Variants in PLXNC1 observed in about 807,000 individuals in gnomAD.
The protein encoded by PLXNC1 is plexin C1, also known as plexin-C1.
Under a neutral mutation model 178.2 loss-of-function variants are expected in PLXNC1, and 75 were observed. That is an observed-to-expected ratio of 0.42 (90% CI 0.35 to 0.51). PLXNC1 has a LOEUF of 0.51. PLXNC1 is among the 20% of genes least tolerant of loss of function. PLXNC1 has a pLI of 0.02. For missense variants in PLXNC1, 1,503 were observed against 1,984.4 expected (o/e 0.76, Z 4.61); for synonymous variants, 790 against 779.9 (o/e 1.01, Z -0.22).
chr12:94,226,303 T>G (rs1963937205), intron 7 of PLXNC1, among the ~76,000 whole-genome samples: 1 of 152,014 alleles, frequency 6.6e-6, no homozygotes. Flanking sequence ...GGGACTTACC[T>G]GAGGGTAGAC....
chr12:94,155,064 G>A (rs1961114283), intron 1 of PLXNC1, among the ~76,000 whole-genome samples: 1 of 152,096 alleles, frequency 6.6e-6, no homozygotes, highest in Admixed American at 6.5e-5. Context: ...TCCTTCCTTA[G>A]TTTTAGGTTA....
rs372867067 is a variant in PLXNC1, at chr12:94,259,714, G to T, written c.3231G>T (p.Lys1077Asn). 2.5e-6 allele frequency: 4 copies of T among 1,609,658 alleles called. No individual in the cohort carries two copies. Among genetic ancestry groups the T allele is most frequent in the South Asian group, 1.1e-5 (1 of 90,230 alleles). The change falls in exon 19 of 31, where the codon AAG becomes AAT. Residue 1077 changes from lysine to asparagine, a missense_variant. Lys to Asn is a moderately conservative substitution (Grantham distance 94). Transcript: ENST00000258526. The part of the protein sequence containing the change: ...VTVIHTLEKQ[K>N]NFSVKDRCLF... ...TCATCCACACCCTTGAAAAGCAGAA[G>T]AACTTTTCTGTGAAGGACAGGTATT...
intron 1 of PLXNC1, among the ~76,000 whole-genome samples, chr12:94,156,978 A>G (rs557904546): frequency 1.3e-5 from 2 of 152,292 alleles, no homozygotes; most frequent in Admixed American, 6.5e-5. Flanking sequence ...CTAAGATTAT[A>G]GGCATAAGCC....
chr12:94,225,798 C>A (rs185130603), intron 7 of PLXNC1, among the ~76,000 whole-genome samples: 4 of 152,290 alleles, frequency 2.6e-5, no homozygotes, highest in Admixed American at 1.3e-4. Context: ...AAATCACAAA[C>A]CCGTGTCTAG....
Position 94,149,975 on chromosome 12 carries a change from A to C in PLXNC1, c.1004A>C (p.Glu335Ala), listed in dbSNP as rs913219779. ...TTALCLFRMS[E>A]IQARAKRVSW... ...GCGCTCTGCCTCTTCAGAATGAGTG[A>C]GATCCAGGCGCGCGCCAAGAGGGTC... Residue 335 changes from glutamate to alanine, a missense_variant, in exon 1 of 31, where the codon GAG becomes GCG. Around this residue, in one of 4 missense-constraint regions of PLXNC1, gnomAD observed 615 missense variants for 698.6 expected, o/e 0.88. Transcript: ENST00000258526. 6.3e-7 allele frequency: 1 copy of C among 1,594,992 alleles called. No individual in the cohort carries two copies.
intron 17 of PLXNC1, among the ~76,000 whole-genome samples, chr12:94,257,487 C>G: frequency 6.6e-6 from 1 of 152,100 alleles, no homozygotes; most frequent in East Asian, 1.9e-4. Flanking sequence ...CTCAGAGAGC[C>G]ACGGGTCCAG....
intron 14 of PLXNC1, among the ~76,000 whole-genome samples, chr12:94,250,759 C>T (rs1244339998): frequency 6.6e-6 from 1 of 152,184 alleles, no homozygotes; most frequent in African/African-American, 2.4e-5. Context: ...TGGCTCACAC[C>T]TGTAATCCCA....
At chr12:94,177,188 TATATATATATAC>T (rs1427489699) in intron 2 of PLXNC1, among the ~76,000 whole-genome samples, 704 of 11,102 alleles carry the variant, frequency 0.063, 7 homozygotes, top group East Asian at 0.31. Flanking sequence ...TATATATATG[TATATATATATAC>T]GTATATATAT....
intron 4 of PLXNC1, among the ~76,000 whole-genome samples, chr12:94,197,434 C>CTCTCTCT (rs1565805265): frequency 1.9e-4 from 2 of 10,536 alleles, no homozygotes; most frequent in Admixed American, 2.1e-3. Flanking sequence ...ACATTAGGCC[C>CTCTCTCT]CTTTCTCTCT....
In PLXNC1 at chr12:94,149,652, G is replaced by C; in HGVS notation, c.681G>C (p.Glu227Asp). 1 of 1,604,682 alleles carries C rather than the reference G, an allele frequency of 6.2e-7. No homozygotes were observed. The highest frequency in any genetic ancestry group is 8.5e-7 in the Non-Finnish European group (1 of 1,175,988). Residue 227 changes from glutamate to aspartate, a missense_variant, in exon 1 of 31, where the codon GAG (glutamate) becomes GAC (aspartate). Physicochemically the swap from Glu to Asp is conservative, Grantham distance 45 (BLOSUM62 2). Coordinates refer to ENST00000258526, the MANE Select transcript of PLXNC1 (RefSeq NM_005761.3). ...AGCTGGGGCGCCTCAAGCTGTGCGAGGGCGCGGGCAGCCTGCACTTCGTGG... is the reference window on the plus strand; with the variant it reads ...AGCTGGGGCGCCTCAAGCTGTGCGACGGCGCGGGCAGCCTGCACTTCGTGG... Reference protein sequence around the residue: ...TQELGRLKLCEGAGSLHFVDA... With the variant: ...TQELGRLKLCDGAGSLHFVDA...
intron 9 of PLXNC1, among the ~76,000 whole-genome samples, chr12:94,230,369 C>A (rs1464883380): frequency 6.6e-6 from 1 of 152,144 alleles, no homozygotes; most frequent in Non-Finnish European, 1.5e-5. Flanking sequence ...GTCACTACCT[C>A]CTGGTTTCCT....
At chr12:94,248,460 A>G in intron 14 of PLXNC1, 48 bp downstream of exon 14, 2 of 1,418,762 alleles carry the variant, frequency 1.4e-6, no homozygotes, top group Non-Finnish European at 1.9e-6. Context: ...GATTTTTGTG[A>G]TAATTCCTTG....
At chr12:94,184,002 T>C (rs1287608678) in intron 3 of PLXNC1, among the ~76,000 whole-genome samples, 2 of 152,218 alleles carry the variant, frequency 1.3e-5, no homozygotes, top group African/African-American at 4.8e-5. Context: ...AATGGTATGA[T>C]ACGGGGCCGC....
chr12:94,280,404 AG>A (rs1966350240), intron 22 of PLXNC1, among the ~76,000 whole-genome samples: 1 of 152,214 alleles, frequency 6.6e-6, no homozygotes, highest in Non-Finnish European at 1.5e-5. Flanking sequence ...CTTGATGTAC[AG>A]TTATAGGCCT....
At chr12:94,276,929 T>C (rs1966008320) in intron 21 of PLXNC1, 1 of 152,218 alleles carries the variant, frequency 6.6e-6, no homozygotes, top group Admixed American at 6.5e-5. Context: ...GATCACCGGC[T>C]TACCTCAGAG....
At chr12:94,203,835 C>A (rs911121712) in intron 4 of PLXNC1, among the ~76,000 whole-genome samples, 1 of 152,192 alleles carries the variant, frequency 6.6e-6, no homozygotes, top group African/African-American at 2.4e-5. Context: ...GGAATTTAAT[C>A]CCCAATGCAA....
chr12:94,184,288 T>C (rs1172853468), intron 3 of PLXNC1, among the ~76,000 whole-genome samples: 3 of 148,268 alleles, frequency 2.0e-5, no homozygotes, highest in Admixed American at 2.0e-4. Context: ...CGGCTAATTT[T>C]TGTATTTTTT....
chr12:94,166,831 A>C (rs1478386535), intron 1 of PLXNC1, among the ~76,000 whole-genome samples: 1 of 151,634 alleles, frequency 6.6e-6, no homozygotes. Context: ...CAGTGGCTCA[A>C]TCATAGCTCA....
chr12:94,187,352 G>A lies in PLXNC1; in HGVS notation c.1439+879G>A, dbSNP rs187336798. Among the ~76,000 whole-genome samples, 56 of 152,276 alleles carry A rather than the reference G, an allele frequency of 3.7e-4. 1 individual carries two copies. Among genetic ancestry groups the A allele is most frequent in the Middle Eastern group, 3.4e-3 (1 of 294 alleles). On this transcript the variant is annotated intron_variant, in intron 4 of 30. Transcript: ENST00000258526. ...GGAGGAAGAGAATTGGTGACTGAAG[G>A]GGGAGACAGCCAAGAGAAATGAAGG... is the stretch of plus-strand genomic sequence containing the variant.
Sources: gnomAD v4.1 joint callset for allele counts (sites outside exome capture counted in the v4.1 genomes callset) on GRCh38, gnomAD v4.1.1 for gene constraint, gnomAD v4.1.1 regional missense constraint, MANE v1.5 for transcripts, NCBI Gene and HGNC (gene_info 2026-07-23, HGNC 2026-07-21) for gene names.